ABCA3: variants seen among roughly 807,000 people sequenced by gnomAD.
ABCA3 encodes the protein phospholipid-transporting ATPase ABCA3.
ABCA3 carries 88 observed loss-of-function variants against 172.8 expected under a neutral mutation model. The observed-to-expected ratio is 0.51, with a 90% confidence interval of 0.43 to 0.61. The LOEUF is 0.61. ABCA3 is among the 20% of genes least tolerant of loss of function. The pLI is 0.00. For synonymous variants in ABCA3, 1,066 were observed against 983.8 expected, an observed-to-expected ratio of 1.08 and a Z score of -1.56; for missense variants, 2,164 against 2,301.0, an observed-to-expected ratio of 0.94 and a Z score of 1.22.
At chr16:2,324,560 T>C (rs752070181) in intron 5 of ABCA3, 29 bp from the exon 6 acceptor site, 2 of 1,606,332 alleles carry the variant, frequency 1.2e-6, no homozygotes, top group Non-Finnish European at 1.7e-6. Flanking sequence ...GGAGCTGTGG[T>C]TGCCCAATCG....
intron 19 of ABCA3, among the ~76,000 whole-genome samples, chr16:2,291,172 C>CA (rs953422264): frequency 6.6e-6 from 1 of 151,054 alleles, no homozygotes; most frequent in East Asian, 2.0e-4. Flanking sequence ...GTTAAAAATA[C>CA]AAAAAAACTA....
chr16:2,282,209 G>A (rs995469145), intron 26 of ABCA3, among the ~76,000 whole-genome samples: 4 of 152,212 alleles, frequency 2.6e-5, no homozygotes, highest in Admixed American at 1.3e-4. Context: ...TAAGCCTCCT[G>A]TCTCAGCTTC....
At chr16:2,320,907 A>C (rs2093725003) in intron 7 of ABCA3, among the ~76,000 whole-genome samples, 1 of 151,892 alleles carries the variant, frequency 6.6e-6, no homozygotes, top group Admixed American at 6.6e-5. Context: ...TATTCTTAAT[A>C]ACAAAACTTT....
At chr16:2,300,175 T>C in intron 12 of ABCA3, 27 bp from the exon 13 acceptor site, 1 of 1,612,774 alleles carries the variant, frequency 6.2e-7, no homozygotes, top group Non-Finnish European at 8.5e-7. Context: ...CAGCTGTCAG[T>C]TTGTTTTGTT....
rs2093657465 is a variant in ABCA3 at position 2,283,092 on chromosome 16, G to A, written c.4035+94C>T. ...CCATCTGGTGCAGGAGCTGCCTGGTGGAGAAGGAGGTGGAGCTGCCCCAGG... is the reference window on the plus strand; with the variant it reads ...CCATCTGGTGCAGGAGCTGCCTGGTAGAGAAGGAGGTGGAGCTGCCCCAGG... On this transcript the variant is annotated intron_variant, in intron 26 of 32. Transcript: ENST00000301732. This position sits in a 1 kb window ranked among gnomAD's most constrained non-coding sequence, Gnocchi z 5.4. 1.5e-6 allele frequency: 2 copies of A among 1,364,118 alleles called. No individual in the cohort carries two copies. Among genetic ancestry groups the A allele is most frequent in the Admixed American group, 3.9e-5 (2 of 50,940 alleles). 84.5% of individuals were successfully genotyped at this position (1,364,118 alleles called of 1,614,324 possible).
intron 1 of ABCA3, chr16:2,332,700 T>C: frequency 1.3e-6 from 2 of 1,515,766 alleles, no homozygotes; most frequent in African/African-American, 1.4e-5. Context: ...CAGCTGTGGC[T>C]GTCTTCTTGT....
intron 1 of ABCA3, among the ~76,000 whole-genome samples, chr16:2,334,580 T>C (rs924727906): frequency 2.0e-5 from 3 of 151,586 alleles, no homozygotes; most frequent in African/African-American, 7.3e-5. Context: ...AGCCCGATCT[T>C]GGCTCAATGC....
intron 12 of ABCA3, among the ~76,000 whole-genome samples, chr16:2,302,219 G>A (rs143938456): frequency 2.2e-3 from 338 of 152,250 alleles, no homozygotes; most frequent in African/African-American, 7.7e-3. Flanking sequence ...TTCCCACTTC[G>A]CACCTCTATA....
intron 20 of ABCA3, 34 bp downstream of exon 20, chr16:2,289,400 C>T: frequency 6.5e-7 from 1 of 1,545,984 alleles, no homozygotes. Flanking sequence ...GCTCGCCCTT[C>T]CCCCGCCACC....
chr16:2,301,099 T>C (rs896862177), intron 12 of ABCA3, among the ~76,000 whole-genome samples: 129 of 150,980 alleles, frequency 8.5e-4, no homozygotes, highest in East Asian at 2.6e-3. Flanking sequence ...GGCGTGGTGG[T>C]GGGCGCCTAT....
Position 2,284,849 on chromosome 16 carries a change from C to T in ABCA3, c.3633G>A (p.Thr1211=), listed in dbSNP as rs373682740. The T allele has an allele frequency of 7.1e-5, 114 of 1,613,894 alleles. No individual in the cohort carries two copies. Among genetic ancestry groups the T allele is most frequent in the African/African-American group, 1.9e-4 (14 of 75,000 alleles). The change falls in exon 24 of 33, where the codon ACG becomes ACA. Residue 1211 remains threonine (T), a synonymous_variant. Coordinates refer to ENST00000301732, the MANE Select transcript of ABCA3 (RefSeq NM_001089.3). This position sits in a 1 kb window ranked among gnomAD's most constrained non-coding sequence, Gnocchi z 5.9. ...ACAGGATGTTGAAGATGGTCAGCCT[C>T]GTGTAGGCAGTGGCCGCCCCCAAGA... The part of the protein sequence containing the change: ...FFFLGAATAY[T]RLTIFNILSG...
In ABCA3 at chr16:2,276,712, C is replaced by T. The variant is rs533663977; in HGVS notation, c.5077G>A (p.Ala1693Thr). 5 of 1,613,682 alleles carry T rather than the reference C, an allele frequency of 3.1e-6. No individual in the cohort carries two copies. Among genetic ancestry groups the T allele is most frequent in the South Asian group, 1.1e-5 (1 of 91,084 alleles). The change falls in exon 33 of 33, where the codon GCC becomes ACC. Residue 1693 changes from alanine to threonine, a missense_variant. By Grantham distance (58) the Ala-to-Thr change is moderately conservative (BLOSUM62 0). Transcript: ENST00000301732. ...ISLEQVFLSF[A>T]HLQPPTAEEG... ...TCTGCGGTGGGCGGCTGCAGGTGGG[C>T]GAAGCTCAGGAAGACCTGTTCCAGC...
rs1253748073 is a variant in ABCA3, at chr16:2,276,108, C to T, written c.*566G>A. 1.5e-5 allele frequency: 5 copies of T among 330,452 alleles called. No individual in the cohort carries two copies. Among genetic ancestry groups the T allele is most frequent in the Admixed American group, 4.3e-5 (1 of 23,042 alleles). 20.5% of individuals were successfully genotyped at this position (330,452 alleles called of 1,614,324 possible). On this transcript the variant is annotated 3_prime_UTR_variant, in exon 33 of 33. Coordinates refer to ENST00000301732, the MANE Select transcript of ABCA3 (RefSeq NM_001089.3). Reference sequence around the variant, plus strand: ...GCCCGGCTTCGCGGTGACTACCATGCCCTAAGGAGCAGAGCCTCCAGGATG... The same window carrying T: ...GCCCGGCTTCGCGGTGACTACCATGTCCTAAGGAGCAGAGCCTCCAGGATG...
At position 2,316,746 on chromosome 16, in the gene ABCA3, G is replaced by C. The variant is rs189480056; in HGVS notation, c.1111+537C>G. On this transcript the variant is annotated intron_variant, in intron 10 of 32. Transcript: ENST00000301732. The stretch of plus-strand genomic sequence containing the variant: ...GTGGTGAGGTTGGAGTTTTACCTGG[G>C]AGGAGCCTGGGCATACTGAATAACT... Among the ~76,000 whole-genome samples the C allele has an allele frequency of 5.9e-4, 89 of 151,902 alleles. 1 individual carries two copies. Among genetic ancestry groups the C allele is most frequent in the Admixed American group, 1.8e-3 (27 of 15,226 alleles).
At chr16:2,326,314 G>A in intron 4 of ABCA3, 40 bp from the exon 5 acceptor site, 2 of 1,611,442 alleles carry the variant, frequency 1.2e-6, no homozygotes, top group Non-Finnish European at 8.5e-7. Flanking sequence ...GGGCTGCAAG[G>A]CAGAAGCAGG....
At chr16:2,303,428 GTTTT>G (rs952303865) in intron 12 of ABCA3, among the ~76,000 whole-genome samples, 1 of 148,718 alleles carries the variant, frequency 6.7e-6, no homozygotes, top group African/African-American at 2.5e-5. Context: ...CACCCGGCTA[GTTTT>G]TTTTTTATTT....
intron 1 of ABCA3, among the ~76,000 whole-genome samples, chr16:2,336,583 A>T (rs947707538): frequency 1.4e-5 from 2 of 144,154 alleles, no homozygotes; most frequent in Non-Finnish European, 3.0e-5. Flanking sequence ...GGTGCCCGCC[A>T]CCACGCCCAG....
chr16:2,290,391 T>C (rs1346453182), intron 19 of ABCA3, among the ~76,000 whole-genome samples: 2 of 152,166 alleles, frequency 1.3e-5, no homozygotes, highest in Non-Finnish European at 2.9e-5. Flanking sequence ...TGATTATTTT[T>C]CTCTTGAGAC....
chr16:2,295,275 G>A (rs149059322), intron 18 of ABCA3, among the ~76,000 whole-genome samples: 7 of 152,312 alleles, frequency 4.6e-5, no homozygotes, highest in African/African-American at 7.2e-5. Flanking sequence ...GAGTGCAGCC[G>A]CAGCACGTGT....
Sources: gnomAD v4.1 joint callset for allele counts (sites outside exome capture counted in the v4.1 genomes callset) on GRCh38, gnomAD v4.1.1 for gene constraint, Gnocchi (gnomAD v3.1) non-coding constraint, MANE v1.5 for transcripts, NCBI Gene and HGNC (gene_info 2026-07-23, HGNC 2026-07-21) for gene names.